The following KLHL1 variants were observed in gnomAD, a reference collection of about 807,000 sequenced individuals.
KLHL1 encodes the protein kelch like family member 1, also known as kelch-like protein 1.
In KLHL1, 47 loss-of-function variants were observed where a neutral mutation model predicts 77.7. That is an observed-to-expected ratio of 0.60 (90% CI 0.48 to 0.77). The LOEUF (loss-of-function observed/expected upper bound fraction) is 0.77. KLHL1 is among the 30% of genes least tolerant of loss of function. KLHL1 has a pLI of 0.00. For synonymous variants in KLHL1, 360 were observed against 325.2 expected (o/e 1.11, Z -1.15); for missense variants, 925 against 910.8 (o/e 1.02, Z -0.20).
chr13:69,830,104 C>T (rs1397968170), intron 6 of KLHL1, among the ~76,000 whole-genome samples: 1 of 150,018 alleles, frequency 6.7e-6, no homozygotes, highest in Non-Finnish European at 1.5e-5. Flanking sequence ...TACCTCACAT[C>T]TCAATATTAA....
chr13:69,952,428 A>G (rs1184910034), intron 3 of KLHL1, among the ~76,000 whole-genome samples: 2 of 151,410 alleles, frequency 1.3e-5, no homozygotes, highest in African/African-American at 4.8e-5. Context: ...ATTCTGCATT[A>G]TCCTCTCCTC....
At chr13:69,938,718 A>C (rs2138297172) in intron 4 of KLHL1, among the ~76,000 whole-genome samples, 1 of 152,302 alleles carries the variant, frequency 6.6e-6, no homozygotes, top group Admixed American at 6.5e-5. Flanking sequence ...TTTCAAAGGT[A>C]GCATCGTGTC....
At chr13:69,855,325 TAGATAGATAGATAGATAGATAGACAGAC>T (rs1344076929) in intron 5 of KLHL1, among the ~76,000 whole-genome samples, 2,354 of 132,400 alleles carry the variant, frequency 0.018, 57 homozygotes, top group African/African-American at 0.045. Flanking sequence ...GATAGATAGA[TAGATAGATAGATAGATAGATAGACAGAC>T]AGATAGATAC....
At chr13:69,761,402 C>A (rs1254349721) in intron 7 of KLHL1, among the ~76,000 whole-genome samples, 1 of 152,106 alleles carries the variant, frequency 6.6e-6, no homozygotes, top group African/African-American at 2.4e-5. Flanking sequence ...GTTTACACCT[C>A]CAGTTAGGTT....
intron 2 of KLHL1, among the ~76,000 whole-genome samples, chr13:69,974,109 A>AC (rs1884474220): frequency 2.6e-5 from 4 of 152,020 alleles, no homozygotes; most frequent in Non-Finnish European, 5.9e-5. Flanking sequence ...TTAAAATAGT[A>AC]ATGTACTTAA....
At chr13:70,061,821 A>G (rs1447195938) in intron 1 of KLHL1, among the ~76,000 whole-genome samples, 1 of 152,150 alleles carries the variant, frequency 6.6e-6, no homozygotes, top group African/African-American at 2.4e-5. Context: ...TAGTTGACAC[A>G]TAATCATTGT....
intron 7 of KLHL1, among the ~76,000 whole-genome samples, chr13:69,741,804 C>G (rs909648673): frequency 2.0e-4 from 31 of 152,164 alleles, no homozygotes; most frequent in African/African-American, 7.2e-4. Flanking sequence ...TTCTCAAGGA[C>G]TCGGGAGCTG....
intron 1 of KLHL1, among the ~76,000 whole-genome samples, chr13:69,996,906 T>C (rs1380517514): frequency 1.4e-5 from 2 of 141,150 alleles, no homozygotes; most frequent in African/African-American, 5.3e-5. Flanking sequence ...ATTTTATTCA[T>C]TAAATTTTTT....
intron 4 of KLHL1, among the ~76,000 whole-genome samples, chr13:69,935,114 A>T (rs1008519201): frequency 6.6e-6 from 1 of 150,606 alleles, no homozygotes; most frequent in East Asian, 2.0e-4. Flanking sequence ...TTCATTCAAT[A>T]TATTAACCTT....
chr13:70,084,978 G>A (rs756010179), intron 1 of KLHL1, among the ~76,000 whole-genome samples: 25 of 152,054 alleles, frequency 1.6e-4, no homozygotes, highest in Non-Finnish European at 2.8e-4. Flanking sequence ...TTCAGTTAAT[G>A]GATGAATTGA....
intron 6 of KLHL1, among the ~76,000 whole-genome samples, chr13:69,813,274 T>C (rs1310864493): frequency 6.8e-6 from 1 of 147,154 alleles, no homozygotes; most frequent in Non-Finnish European, 1.5e-5. Flanking sequence ...AATTGAACAA[T>C]GAGAACACTT....
chr13:69,956,105 A>G (rs982783908), intron 3 of KLHL1, among the ~76,000 whole-genome samples: 62 of 138,314 alleles, frequency 4.5e-4, no homozygotes, highest in African/African-American at 1.6e-3. Flanking sequence ...TGATATATAT[A>G]TTTATATTTG....
chr13:69,936,635 C>T (rs901314546), intron 4 of KLHL1, among the ~76,000 whole-genome samples: 16 of 149,710 alleles, frequency 1.1e-4, no homozygotes, highest in Non-Finnish European at 1.8e-4. Flanking sequence ...TGCTATGATG[C>T]TATGTTGAAG....
At chr13:69,979,047 T>C (rs903656741) in intron 1 of KLHL1, among the ~76,000 whole-genome samples, 2 of 152,122 alleles carry the variant, frequency 1.3e-5, no homozygotes, top group African/African-American at 4.8e-5. Context: ...AGATAGTACC[T>C]TCTTTTATCT....
intron 4 of KLHL1, among the ~76,000 whole-genome samples, chr13:69,917,597 C>A (rs1882489399): frequency 6.6e-6 from 1 of 152,028 alleles, no homozygotes; most frequent in South Asian, 2.1e-4. Context: ...TGCCAGCAAA[C>A]AAGGAAGTTC....
rs140103027 is a variant in KLHL1, at chr13:70,084,909, C to T, written c.497+22294G>A. ...TTAAAAGAAAACAAGATCTAAAACG[C>T]GGAATTTTGAAGCAAATTCTTCAGG... On this transcript the variant is annotated intron_variant, in intron 1 of 10. Coordinates refer to ENST00000377844, the MANE Select transcript of KLHL1 (RefSeq NM_020866.3). Among the ~76,000 whole-genome samples the T allele has an allele frequency of 6.3e-3, 962 of 151,890 alleles. 8 individuals are homozygous for T. Among genetic ancestry groups the T allele is most frequent in the Admixed American group, 8.9e-3 (136 of 15,262 alleles).
chr13:69,767,120 G>A (rs1350184922), intron 7 of KLHL1, among the ~76,000 whole-genome samples: 2 of 151,376 alleles, frequency 1.3e-5, no homozygotes, highest in Non-Finnish European at 3.0e-5. Context: ...CTTAATTATT[G>A]CTATATTTAT....
intron 1 of KLHL1, among the ~76,000 whole-genome samples, chr13:70,061,441 A>G (rs1391778774): frequency 6.6e-6 from 1 of 151,956 alleles, no homozygotes; most frequent in Non-Finnish European, 1.5e-5. Context: ...TCCAATACAT[A>G]AACAGTATAT....
At chr13:69,851,622 G>A (rs1879694344) in intron 5 of KLHL1, among the ~76,000 whole-genome samples, 1 of 151,734 alleles carries the variant, frequency 6.6e-6, no homozygotes, top group Admixed American at 6.6e-5. Flanking sequence ...TAGAATAAAA[G>A]ATATTAATAG....
Sources: allele counts gnomAD v4.1 joint callset (sites outside exome capture counted in the v4.1 genomes callset), GRCh38; gene constraint gnomAD v4.1.1; transcripts MANE v1.5; gene names NCBI Gene and HGNC (gene_info 2026-07-23, HGNC 2026-07-21).